Variants in KIAA0825 observed in about 807,000 individuals in gnomAD.
The protein encoded by KIAA0825 is KIAA0825.
KIAA0825 carries 119 observed loss-of-function variants against 147.6 expected under a neutral mutation model. The ratio of observed to expected loss-of-function variants is 0.81; its 90% CI spans 0.69 to 0.94. The LOEUF is 0.94. Among genes scored for constraint, KIAA0825 ranks in the 40% least tolerant of loss-of-function variants. KIAA0825 has a pLI of 0.00. For synonymous variants in KIAA0825, 470 were observed against 518.1 expected (o/e 0.91, Z 1.26); for missense variants, 1,381 against 1,472.7 (o/e 0.94, Z 1.02).
chr5:94,342,329 T>C (rs1584183792), intron 20 of KIAA0825, among the ~76,000 whole-genome samples: 2 of 152,328 alleles, frequency 1.3e-5, no homozygotes, highest in East Asian at 1.9e-4. Context: ...AATAACATAC[T>C]GTTAAATTAA....
chr5:94,488,234 T>G (rs941517688), intron 5 of KIAA0825, among the ~76,000 whole-genome samples: 6 of 152,176 alleles, frequency 3.9e-5, no homozygotes, highest in Non-Finnish European at 7.4e-5. Flanking sequence ...GAGTTCTTCT[T>G]CCCCCACTAA....
At chr5:94,513,404 A>G (rs1455941161) in intron 5 of KIAA0825, among the ~76,000 whole-genome samples, 3 of 152,188 alleles carry the variant, frequency 2.0e-5, no homozygotes, top group Non-Finnish European at 4.4e-5. Flanking sequence ...TCAGAATTAG[A>G]GGATATAGCA....
chr5:94,493,991 C>G (rs1207773741), intron 5 of KIAA0825, among the ~76,000 whole-genome samples: 2 of 152,116 alleles, frequency 1.3e-5, no homozygotes, highest in Non-Finnish European at 2.9e-5. Context: ...GGGGTCCAGA[C>G]AGTAAATATC....
At chr5:94,556,200 G>T (rs1776517646) in intron 2 of KIAA0825, among the ~76,000 whole-genome samples, 1 of 151,948 alleles carries the variant, frequency 6.6e-6, no homozygotes, top group Non-Finnish European at 1.5e-5. Flanking sequence ...TTACAGGTGT[G>T]TGCCACCACA....
chr5:94,515,534 G>A (rs1392708126), intron 5 of KIAA0825, among the ~76,000 whole-genome samples: 1 of 152,118 alleles, frequency 6.6e-6, no homozygotes, highest in African/African-American at 2.4e-5. Flanking sequence ...GCTCACTCTT[G>A]TAATCCCAGC....
chr5:94,342,206 A>G (rs1021409183), intron 20 of KIAA0825, among the ~76,000 whole-genome samples: 1 of 152,132 alleles, frequency 6.6e-6, no homozygotes, highest in Non-Finnish European at 1.5e-5. Flanking sequence ...AAAAAAAAAA[A>G]AGAACAACCT....
At chr5:94,410,749 C>T (rs1752651881) in intron 15 of KIAA0825, among the ~76,000 whole-genome samples, 1 of 152,110 alleles carries the variant, frequency 6.6e-6, no homozygotes, top group African/African-American at 2.4e-5. Context: ...ACCTAGAATT[C>T]CATATCTACC....
chr5:94,481,575 T>G (rs536108582), intron 6 of KIAA0825, among the ~76,000 whole-genome samples: 1 of 152,026 alleles, frequency 6.6e-6, no homozygotes, highest in South Asian at 2.1e-4. Context: ...ACCTTGCAAA[T>G]TTCCAATGTG....
chr5:94,341,566 G>A (rs781380581), intron 20 of KIAA0825, among the ~76,000 whole-genome samples: 3 of 152,170 alleles, frequency 2.0e-5, no homozygotes, highest in Non-Finnish European at 4.4e-5. Flanking sequence ...AAAAGGAAGA[G>A]CATGGCCATT....
At chr5:94,376,670 G>T (rs1353428745) in intron 20 of KIAA0825, among the ~76,000 whole-genome samples, 2 of 152,146 alleles carry the variant, frequency 1.3e-5, no homozygotes, top group Non-Finnish European at 2.9e-5. Flanking sequence ...TAAGAGAAAA[G>T]CTTTCTCTTG....
chr5:94,358,057 G>A (rs1268594894), intron 20 of KIAA0825, among the ~76,000 whole-genome samples: 1 of 152,156 alleles, frequency 6.6e-6, no homozygotes, highest in Non-Finnish European at 1.5e-5. Flanking sequence ...AACTAGGAAG[G>A]TCTTAGTTCA....
At chr5:94,509,173 T>G (rs943332162) in intron 5 of KIAA0825, among the ~76,000 whole-genome samples, 6 of 152,266 alleles carry the variant, frequency 3.9e-5, no homozygotes, top group African/African-American at 1.4e-4. Context: ...TGACAGAACC[T>G]TAAAGAACTA....
intron 14 of KIAA0825, among the ~76,000 whole-genome samples, chr5:94,418,109 TAAAC>T (rs1345094313): frequency 6.6e-6 from 1 of 152,210 alleles, no homozygotes; most frequent in Non-Finnish European, 1.5e-5. Context: ...ACTATTATAA[TAAAC>T]AACATATTTG....
intron 20 of KIAA0825, among the ~76,000 whole-genome samples, chr5:94,178,372 C>T (rs1769301972): frequency 6.6e-6 from 1 of 151,708 alleles, no homozygotes; most frequent in Non-Finnish European, 1.5e-5. Flanking sequence ...ATTCTGTCCC[C>T]CCTTGATTTT....
intron 5 of KIAA0825, among the ~76,000 whole-genome samples, chr5:94,504,921 T>A (rs1765556879): frequency 6.6e-6 from 1 of 151,968 alleles, no homozygotes; most frequent in Admixed American, 6.5e-5. Context: ...CTAATTTTTG[T>A]ATTTTTAGTA....
chr5:94,278,320 A>C (rs1777308612), intron 20 of KIAA0825, among the ~76,000 whole-genome samples: 1 of 152,156 alleles, frequency 6.6e-6, no homozygotes. Flanking sequence ...TGCCTCTAGC[A>C]ATCAATTTTA....
At chr5:94,491,875 A>G (rs905666617) in intron 5 of KIAA0825, among the ~76,000 whole-genome samples, 26 of 152,212 alleles carry the variant, frequency 1.7e-4, no homozygotes, top group Admixed American at 1.7e-3. Flanking sequence ...TAAATGATTA[A>G]AAGAATGAAA....
intron 20 of KIAA0825, among the ~76,000 whole-genome samples, chr5:94,162,603 A>G (rs1767685903): frequency 6.6e-6 from 1 of 152,190 alleles, no homozygotes; most frequent in Non-Finnish European, 1.5e-5. Flanking sequence ...TGGTTATGCT[A>G]TTTAATGATC....
At chr5:94,367,283 G>A (rs1250384356) in intron 20 of KIAA0825, among the ~76,000 whole-genome samples, 1 of 152,128 alleles carries the variant, frequency 6.6e-6, no homozygotes, top group African/African-American at 2.4e-5. Flanking sequence ...GATCACCCGA[G>A]GTGAGGAGTT....
Sources: allele counts gnomAD v4.1 joint callset (sites outside exome capture counted in the v4.1 genomes callset), GRCh38; gene constraint gnomAD v4.1.1; transcripts MANE v1.5; gene names NCBI Gene and HGNC (gene_info 2026-07-23, HGNC 2026-07-21).